Variants in TMEM181 observed in about 807,000 individuals in gnomAD.
TMEM181 encodes transmembrane protein 181, also known as G protein-coupled receptor 178.
TMEM181 carries 39 observed loss-of-function variants against 71.9 expected under a neutral mutation model. The observed-to-expected ratio is 0.54, with a 90% CI of 0.42 to 0.71. TMEM181 has a LOEUF of 0.71. TMEM181 is among the 30% of genes least tolerant of loss of function. TMEM181 has a pLI of 0.00. For missense variants in TMEM181, 595 were observed against 583.0 expected, an observed-to-expected ratio of 1.02 and a Z score of -0.21; for synonymous variants, 245 against 228.8, an observed-to-expected ratio of 1.07 and a Z score of -0.64.
chr6:158,610,208 C>G (rs1204849575), intron 10 of TMEM181: 1 of 231,120 alleles, frequency 4.3e-6, no homozygotes, highest in Non-Finnish European at 9.2e-6. Context: ...AAGCCTGTTT[C>G]TCCAAATGCC....
At chr6:158,609,618 T>C (rs142471155) in intron 10 of TMEM181, 89 of 173,288 alleles carry the variant, frequency 5.1e-4, no homozygotes, top group African/African-American at 2.0e-3. Flanking sequence ...ATCCTCCCCC[T>C]GGGACACAGA....
intron 1 of TMEM181, among the ~76,000 whole-genome samples, chr6:158,547,828 G>C (rs1397459007): frequency 2.0e-5 from 3 of 149,134 alleles, no homozygotes; most frequent in East Asian, 4.0e-4. Context: ...CAGAAGTTGC[G>C]GTGAGTCGAT....
intron 10 of TMEM181, among the ~76,000 whole-genome samples, chr6:158,621,141 A>G (rs572892197): frequency 3.7e-4 from 57 of 152,292 alleles, no homozygotes; most frequent in Middle Eastern, 3.4e-3. Context: ...AAGGGAAACG[A>G]ATGTGCTTAT....
At chr6:158,592,574 GC>G (rs1452843258) in intron 6 of TMEM181, among the ~76,000 whole-genome samples, 1 of 152,034 alleles carries the variant, frequency 6.6e-6, no homozygotes, top group Non-Finnish European at 1.5e-5. Context: ...CCGGGTTCAG[GC>G]AATTCTCCTG....
At chr6:158,578,908 A>G (rs942126271) in intron 2 of TMEM181, among the ~76,000 whole-genome samples, 2 of 152,260 alleles carry the variant, frequency 1.3e-5, no homozygotes, top group Non-Finnish European at 2.9e-5. Flanking sequence ...TATGCCATGC[A>G]AATAGCACCA....
chr6:158,605,869 GC>G (rs34864189), intron 7 of TMEM181, among the ~76,000 whole-genome samples: 94,759 of 151,826 alleles, frequency 0.62, 30,652 homozygotes, highest in African/African-American at 0.79. Flanking sequence ...GCCCAAGGGA[GC>G]CCCCCCAGAG....
At chr6:158,550,892 GA>G (rs368216274) in intron 1 of TMEM181, among the ~76,000 whole-genome samples, 2,110 of 87,016 alleles carry the variant, frequency 0.024, 50 homozygotes, top group African/African-American at 0.082. Context: ...TCTGTCTCAG[GA>G]AAAAAAAAAA....
At chr6:158,629,670 G>T (rs1583062716) in intron 14 of TMEM181, 60 bp from the exon 15 acceptor site, 2 of 1,402,726 alleles carry the variant, frequency 1.4e-6, no homozygotes, top group South Asian at 2.7e-5. Flanking sequence ...TGGTCGGGCT[G>T]TAGGCAGAGC....
chr6:158,563,940 C>T (rs1019126571), intron 1 of TMEM181, among the ~76,000 whole-genome samples: 1 of 152,042 alleles, frequency 6.6e-6, no homozygotes, highest in African/African-American at 2.4e-5. Flanking sequence ...CGCCACCACA[C>T]CTAATTTTTG....
rs1339031750 is a variant in TMEM181 at position 158,573,522 on chromosome 6, A to G, written c.111A>G (p.Arg37=). Residue 37 remains arginine, a splice_region_variant and synonymous_variant, in exon 2 of 17, where the codon AGA becomes AGG. Transcript: ENST00000684151. ...GCCTGACCATCTTCGTTGGGATCAG[A>G]GGTAAGGTTCGGTTTTTACTCATTG... ...CFGLTIFVGI[R]GPKVIQTSAA... 6.2e-7 allele frequency: 1 copy of G among 1,601,760 alleles called. No homozygotes were observed. Among genetic ancestry groups the G allele is most frequent in the African/African-American group, 1.3e-5 (1 of 74,698 alleles).
At chr6:158,556,800 T>C (rs1781905405), upstream of TMEM181, among the ~76,000 whole-genome samples, 1 of 152,104 alleles carries the variant, frequency 6.6e-6, no homozygotes, top group Non-Finnish European at 1.5e-5. Context: ...TCTCGCTCTG[T>C]TGCCCAGGCT....
At chr6:158,625,037 G>A in intron 11 of TMEM181, 67 bp from the exon 12 acceptor site, 1 of 1,231,072 alleles carries the variant, frequency 8.1e-7, no homozygotes, top group Non-Finnish European at 1.2e-6. Flanking sequence ...CCTGCCTGTG[G>A]TGGTGCTGGG....
chr6:158,594,983 G>A (rs1220234358), intron 6 of TMEM181, among the ~76,000 whole-genome samples: 2 of 152,146 alleles, frequency 1.3e-5, no homozygotes, highest in East Asian at 1.9e-4. Context: ...TGGCCCCTAC[G>A]TTTTCAACTT....
upstream of TMEM181, chr6:158,560,010 C>T (rs1356471416): frequency 3.3e-5 from 32 of 979,978 alleles, no homozygotes; most frequent in Admixed American, 1.8e-4. Context: ...CGCGCGCCCG[C>T]GGCCCCGCTT....
chr6:158,609,743 G>A, intron 10 of TMEM181: 1 of 262,446 alleles, frequency 3.8e-6, no homozygotes. Context: ...CTCACGCAAA[G>A]TGGCCAGGGT....
chr6:158,574,407 A>G (rs1351522196), intron 2 of TMEM181, among the ~76,000 whole-genome samples: 2 of 152,192 alleles, frequency 1.3e-5, no homozygotes, highest in Admixed American at 1.3e-4. Flanking sequence ...TAAAAATTAC[A>G]TTAATTACAG....
intron 6 of TMEM181, among the ~76,000 whole-genome samples, chr6:158,600,881 AGTTACG>A (rs1214247144): frequency 6.6e-6 from 1 of 152,166 alleles, no homozygotes; most frequent in Non-Finnish European, 1.5e-5. Flanking sequence ...CTTTCTTAAG[AGTTACG>A]GTTCCTTGAG....
chr6:158,580,100 G>A (rs750131511), intron 2 of TMEM181, among the ~76,000 whole-genome samples: 6 of 152,212 alleles, frequency 3.9e-5, no homozygotes, highest in Non-Finnish European at 8.8e-5. Flanking sequence ...GGAGGCTGAG[G>A]TGGGCGGATC....
intron 11 of TMEM181, 51 bp from the exon 12 acceptor site, chr6:158,625,050 GAGA>G (rs1786194159): frequency 7.3e-7 from 1 of 1,374,058 alleles, no homozygotes; most frequent in African/African-American, 1.4e-5. Context: ...GTGCTGGGAG[GAGA>G]AGGTCACAGA....
Sources: gnomAD v4.1 joint callset for allele counts (sites outside exome capture counted in the v4.1 genomes callset) on GRCh38, gnomAD v4.1.1 for gene constraint, MANE v1.5 for transcripts, NCBI Gene and HGNC (gene_info 2026-07-23, HGNC 2026-07-21) for gene names.